The following NAALADL2 variants were observed in gnomAD, a reference collection of about 807,000 sequenced individuals.
NAALADL2 encodes the protein inactive N-acetylated-alpha-linked acidic dipeptidase-like protein 2.
In NAALADL2, 76 loss-of-function variants were observed where a neutral mutation model predicts 87.2. The observed-to-expected ratio is 0.87, with a 90% CI of 0.72 to 1.05. The LOEUF is 1.05. Ranked by LOEUF, NAALADL2 falls within the 50% of genes least tolerant of loss-of-function variation. The pLI is 0.00. For synonymous variants in NAALADL2, 354 were observed against 331.0 expected (o/e 1.07, Z -0.75); for missense variants, 1,089 against 945.8 (o/e 1.15, Z -1.99).
At chr3:175,189,941 G>A (rs1347131861) in intron 2 of NAALADL2, among the ~76,000 whole-genome samples, 3 of 152,128 alleles carry the variant, frequency 2.0e-5, no homozygotes, top group Non-Finnish European at 4.4e-5. Context: ...CAGTGAACTT[G>A]CATGCCAAGT....
intron 11 of NAALADL2, among the ~76,000 whole-genome samples, chr3:175,642,499 C>CTTTTTTTTTTTTTTTTTTTTTTT (rs1206070195): frequency 7.1e-6 from 1 of 141,404 alleles, no homozygotes; most frequent in Non-Finnish European, 1.5e-5. Context: ...TCACCCAAAT[C>CTTTTTTTTTTTTTTTTTTTTTTT]TTTTTTTTTT....
chr3:174,632,669 C>T (rs1722226773), intron 2 of NAALADL2, among the ~76,000 whole-genome samples: 3 of 152,218 alleles, frequency 2.0e-5, no homozygotes, highest in African/African-American at 7.2e-5. Flanking sequence ...GGTGCAGTGG[C>T]TCATGCCTGT....
intron 9 of NAALADL2, among the ~76,000 whole-genome samples, chr3:175,551,696 G>A (rs1168468988): frequency 6.6e-6 from 1 of 152,090 alleles, no homozygotes; most frequent in Non-Finnish European, 1.5e-5. Context: ...TCAGGAGATC[G>A]AGACCATCCT....
intron 9 of NAALADL2, among the ~76,000 whole-genome samples, chr3:175,471,991 C>T (rs1347111887): frequency 6.6e-6 from 1 of 151,902 alleles, no homozygotes; most frequent in Non-Finnish European, 1.5e-5. Context: ...ACATGAGTCA[C>T]ACAGTTATAG....
rs183915531 is a variant in NAALADL2, at chr3:174,544,717, C to T, written c.-183-5852C>T. ...TCCCGAGTAGCTGGGATTACAGGCACGCGTCACCACACCCAGCTAATTTTT... is the reference window on the plus strand; with the variant it reads ...TCCCGAGTAGCTGGGATTACAGGCATGCGTCACCACACCCAGCTAATTTTT... On this transcript the variant is annotated intron_variant, in intron 1 of 3. Coordinates refer to the NAALADL2 transcript ENST00000434257. 6.0e-3 allele frequency among the ~76,000 whole-genome samples: 906 copies of T among 151,110 alleles called. 4 individuals are homozygous for T. The highest frequency in any genetic ancestry group is 0.017 in the South Asian group (81 of 4,758).
At chr3:175,627,269 T>G in intron 10 of NAALADL2, 22 bp from the exon 11 acceptor site, 1 of 1,522,912 alleles carries the variant, frequency 6.6e-7, no homozygotes, top group Non-Finnish European at 8.9e-7. Context: ...GTTTTAAATG[T>G]TTCTTTTTTG....
At chr3:174,877,092 T>C (rs934424014) in intron 1 of NAALADL2, among the ~76,000 whole-genome samples, 1 of 152,110 alleles carries the variant, frequency 6.6e-6, no homozygotes, top group South Asian at 2.1e-4. Flanking sequence ...CCAAAAGGTC[T>C]CAACCTTAAA....
intron 9 of NAALADL2, among the ~76,000 whole-genome samples, chr3:175,499,538 T>C (rs1729259567): frequency 6.6e-6 from 1 of 152,076 alleles, no homozygotes; most frequent in South Asian, 2.1e-4. Flanking sequence ...TCTGAGGTTT[T>C]AGTTCTTAGA....
intron 3 of NAALADL2, among the ~76,000 whole-genome samples, chr3:174,777,032 C>G (rs1715296461): frequency 6.6e-6 from 1 of 152,042 alleles, no homozygotes; most frequent in African/African-American, 2.4e-5. Flanking sequence ...GCTTTATAGA[C>G]TTTAATTTTA....
In NAALADL2 at chr3:175,678,642, C is replaced by T. The variant is rs1307758199; in HGVS notation, c.1896+51256C>T. On this transcript the variant is annotated intron_variant, in intron 11 of 13. Coordinates refer to ENST00000454872, the MANE Select transcript of NAALADL2 (RefSeq NM_207015.3). Reference sequence around the variant, plus strand: ...CGCAAGGACAGAAAACTAAACACCGCATGTTCTCAATCATAGGTGGGAATT... The same window carrying T: ...CGCAAGGACAGAAAACTAAACACCGTATGTTCTCAATCATAGGTGGGAATT... Among the ~76,000 whole-genome samples, 3 of 152,108 alleles carry T rather than the reference C, an allele frequency of 2.0e-5. No individual in the cohort carries two copies. In the East Asian group the frequency reaches 5.8e-4, roughly 29 times the overall value.
At chr3:174,811,441 A>G (rs1720196862) in intron 3 of NAALADL2, among the ~76,000 whole-genome samples, 1 of 152,006 alleles carries the variant, frequency 6.6e-6, no homozygotes, top group Admixed American at 6.6e-5. Flanking sequence ...GTCAAAGGGG[A>G]TTGTTTTGGA....
chr3:175,299,051 C>A (rs558266111), intron 4 of NAALADL2, among the ~76,000 whole-genome samples: 1 of 152,010 alleles, frequency 6.6e-6, no homozygotes, highest in South Asian at 2.1e-4. Flanking sequence ...AACTTAAATA[C>A]TACAGGTTTG....
chr3:175,093,412 T>TATATATATATA (rs1720507064), intron 1 of NAALADL2, among the ~76,000 whole-genome samples: 4 of 45,306 alleles, frequency 8.8e-5, no homozygotes, highest in Non-Finnish European at 1.8e-4. Flanking sequence ...TTCATTTTAT[T>TATATATATATA]TTTTTATATA....
At chr3:174,925,232 TG>T (rs1189905911) in intron 1 of NAALADL2, among the ~76,000 whole-genome samples, 2 of 152,220 alleles carry the variant, frequency 1.3e-5, no homozygotes, top group African/African-American at 4.8e-5. Context: ...TAATCCATCT[TG>T]AATTAATTTT....
rs149820859 is a variant in NAALADL2 at position 174,850,881 on chromosome 3, T to TA, written c.-9+113144dup. The stretch of plus-strand genomic sequence containing the variant: ...TAAGTCCACTAAAGATGTCTTAATT[T>TA]AAAAAAAAACACTGAAATTATATCA... On this transcript the variant is annotated intron_variant, in intron 3 of 3. Coordinates refer to the NAALADL2 transcript ENST00000434257. Among the ~76,000 whole-genome samples, 630 of 151,326 alleles carry TA rather than the reference T, an allele frequency of 4.2e-3. 3 individuals are homozygous for TA. The highest frequency in any genetic ancestry group is 0.02 in the Middle Eastern group (6 of 294).
intron 1 of NAALADL2, among the ~76,000 whole-genome samples, chr3:174,943,142 T>G: frequency 6.6e-6 from 1 of 152,230 alleles, no homozygotes; most frequent in East Asian, 1.9e-4. Context: ...CTTGCATTAG[T>G]TCTTTCTCAT....
chr3:175,415,008 C>T (rs760065922), intron 5 of NAALADL2, among the ~76,000 whole-genome samples: 5 of 152,178 alleles, frequency 3.3e-5, no homozygotes, highest in East Asian at 1.9e-4. Flanking sequence ...AATTGTCTTA[C>T]GGGATTATCA....
chr3:174,488,874 T>A (rs1718018419), intron 1 of NAALADL2, among the ~76,000 whole-genome samples: 1 of 152,038 alleles, frequency 6.6e-6, no homozygotes, highest in Admixed American at 6.6e-5. Flanking sequence ...TTAAACTAGA[T>A]CATCTAAAAT....
chr3:174,821,254 T>A (rs1721384708), intron 3 of NAALADL2, among the ~76,000 whole-genome samples: 1 of 152,172 alleles, frequency 6.6e-6, no homozygotes, highest in Non-Finnish European at 1.5e-5. Flanking sequence ...TTAGGAAATA[T>A]ATTTCACCTT....
Sources: gnomAD v4.1 joint callset for allele counts (sites outside exome capture counted in the v4.1 genomes callset) on GRCh38, gnomAD v4.1.1 for gene constraint, MANE v1.5 for transcripts, NCBI Gene and HGNC (gene_info 2026-07-23, HGNC 2026-07-21) for gene names.